XDH: variants seen among roughly 807,000 people sequenced by gnomAD.
The protein encoded by XDH is xanthine dehydrogenase/oxidase.
In XDH, 138 loss-of-function variants were observed where a neutral mutation model predicts 156.1. The observed-to-expected ratio is 0.88, with a 90% confidence interval of 0.77 to 1.02. The LOEUF (loss-of-function observed/expected upper bound fraction) is 1.02. Ranked by LOEUF, XDH falls within the 50% of genes least tolerant of loss-of-function variation. XDH has a pLI of 0.00. For synonymous variants in XDH, 669 were observed against 625.7 expected (o/e 1.07, Z -1.03); for missense variants, 1,849 against 1,684.9 (o/e 1.10, Z -1.71).
At chr2:31,411,344 C>T (rs528837231) in intron 1 of XDH, among the ~76,000 whole-genome samples, 29 of 150,946 alleles carry the variant, frequency 1.9e-4, no homozygotes, top group African/African-American at 6.3e-4. Flanking sequence ...AACATGATGT[C>T]TGAAACTTAC....
At chr2:31,339,752 C>A in intron 33 of XDH, 75 bp from the exon 34 acceptor site, 1 of 1,570,776 alleles carries the variant, frequency 6.4e-7, no homozygotes, top group South Asian at 1.1e-5. Context: ...CCACAATGGA[C>A]ACAAAGCGCC....
intron 13 of XDH, among the ~76,000 whole-genome samples, chr2:31,378,111 G>GAAAGAAAGA (rs1686310900): frequency 3.0e-3 from 125 of 41,644 alleles, no homozygotes; most frequent in South Asian, 5.2e-3. Context: ...AGAAAGAAAG[G>GAAAGAAAGA]AAGGAAGGAA....
At chr2:31,382,522 G>C (rs1408657453) in intron 11 of XDH, among the ~76,000 whole-genome samples, 2 of 152,140 alleles carry the variant, frequency 1.3e-5, no homozygotes, top group African/African-American at 4.8e-5. Flanking sequence ...TTGTCTGAAG[G>C]CTGACTGAAT....
chr2:31,346,927 C>T (rs945097244), intron 29 of XDH, 84 bp from the exon 30 acceptor site: 12 of 1,574,936 alleles, frequency 7.6e-6, no homozygotes, highest in African/African-American at 1.4e-5. Context: ...CCCAGCAAGG[C>T]TACCTCCAAG....
chr2:31,346,987 A>G, intron 29 of XDH, 144 bp from the exon 30 acceptor site: 1 of 1,044,816 alleles, frequency 9.6e-7, no homozygotes, highest in East Asian at 2.5e-5. Flanking sequence ...CCCACTCCAG[A>G]ATGATCAAGG....
chr2:31,370,622 A>G (rs1340578625), intron 17 of XDH, 144 bp from the exon 18 acceptor site: 11 of 1,145,282 alleles, frequency 9.6e-6, no homozygotes, highest in Non-Finnish European at 1.4e-5. Flanking sequence ...ATTAGATTCT[A>G]ATTCAATTAT....
intron 23 of XDH, among the ~76,000 whole-genome samples, chr2:31,364,730 C>T (rs777109778): frequency 2.0e-5 from 3 of 152,176 alleles, no homozygotes; most frequent in Non-Finnish European, 2.9e-5. Flanking sequence ...TTTACACACA[C>T]GGAAACTGGG....
In XDH at chr2:31,383,617, C is replaced by G. The variant is rs1429407815; in HGVS notation, c.886+138G>C. The G allele has an allele frequency of 7.3e-6, 6 of 823,910 alleles. No individual in the cohort carries two copies. The African/African-American group carries it at 8.4e-5, about 12-fold the overall frequency. 51.0% of individuals were successfully genotyped at this position (823,910 alleles called of 1,614,324 possible). A position where few individuals can be genotyped will look rare whatever the true frequency, so the allele number is the denominator to read the frequency against. On this transcript the variant is annotated intron_variant, in intron 10 of 35. Transcript: ENST00000379416. ...TGAATGGGGTCTCCTCCCGCCTTTC[C>G]CTGTGCAAGGTGAGCCCCAGGAGAA...
chr2:31,407,693 G>A (rs1307799210), intron 1 of XDH, among the ~76,000 whole-genome samples: 1 of 152,158 alleles, frequency 6.6e-6, no homozygotes, highest in African/African-American at 2.4e-5. Flanking sequence ...GAGCTTTCTT[G>A]CTATCCTCAC....
At chr2:31,412,526 A>T (rs1468765993) in intron 1 of XDH, among the ~76,000 whole-genome samples, 4 of 152,158 alleles carry the variant, frequency 2.6e-5, no homozygotes, top group Non-Finnish European at 5.9e-5. Context: ...AGATATACCT[A>T]ATGTAAATGA....
chr2:31,352,567 G>C (rs1426592628), intron 24 of XDH, among the ~76,000 whole-genome samples: 2 of 152,020 alleles, frequency 1.3e-5, no homozygotes, highest in African/African-American at 4.8e-5. Context: ...TGAATTTCTT[G>C]AGGGCAGAAA....
intron 24 of XDH, among the ~76,000 whole-genome samples, chr2:31,350,531 ACG>A (rs1480737298): frequency 2.0e-5 from 3 of 151,408 alleles, no homozygotes; most frequent in Non-Finnish European, 4.4e-5. Flanking sequence ...CACGCACCAC[ACG>A]CCCAGCTAAT....
chr2:31,413,593 T>C (rs961896256), intron 1 of XDH, among the ~76,000 whole-genome samples: 2 of 152,226 alleles, frequency 1.3e-5, no homozygotes, highest in African/African-American at 2.4e-5. Context: ...AGCACATTAT[T>C]GTTCTTGAAA....
intron 33 of XDH, among the ~76,000 whole-genome samples, 163 bp from the exon 34 acceptor site, chr2:31,339,840 C>T (rs1318652980): frequency 6.6e-6 from 1 of 152,198 alleles, no homozygotes; most frequent in Non-Finnish European, 1.5e-5. Context: ...CTGGGATAAC[C>T]CATCCGGACT....
intron 15 of XDH, among the ~76,000 whole-genome samples, chr2:31,374,743 A>C (rs964499500): frequency 3.3e-5 from 5 of 152,076 alleles, no homozygotes; most frequent in African/African-American, 1.2e-4. Context: ...GTTGTCTCCC[A>C]AGTGTGGCCT....
At chr2:31,345,243 A>G (rs1685249831) in intron 30 of XDH, among the ~76,000 whole-genome samples, 1 of 151,904 alleles carries the variant, frequency 6.6e-6, no homozygotes, top group African/African-American at 2.4e-5. Context: ...TCCCTCAACA[A>G]CTACTCAAAC....
At chr2:31,375,020 T>C (rs1686195077) in intron 15 of XDH, among the ~76,000 whole-genome samples, 1 of 93,800 alleles carries the variant, frequency 1.1e-5, no homozygotes, top group Non-Finnish European at 2.0e-5. Flanking sequence ...TCTTTCTTTC[T>C]TTCTTTTTTT....
intron 16 of XDH, 43 bp from the exon 17 acceptor site, chr2:31,372,440 A>T: frequency 6.2e-7 from 1 of 1,613,180 alleles, no homozygotes; most frequent in Admixed American, 1.7e-5. Flanking sequence ...TGCCAAGGAC[A>T]CTGCCCCTCT....
rs1055668373 is a variant in XDH at position 31,403,146 on chromosome 2, T to C, written c.101-2A>G. 6.8e-6 allele frequency: 11 copies of C among 1,614,046 alleles called. No individual in the cohort carries two copies. Among genetic ancestry groups the C allele is most frequent in the Non-Finnish European group, 9.3e-6 (11 of 1,180,000 alleles). ...CGAGCTTGGTTCCACTCAGCCCCAC[T>C]GGGTGGTCAAGAGTTAAGGAGAATG... On this transcript the variant is annotated splice_acceptor_variant, in intron 2 of 35. Transcript: ENST00000379416. LOFTEE classifies it high-confidence loss of function.
Sources: gnomAD v4.1 joint callset for allele counts (sites outside exome capture counted in the v4.1 genomes callset) on GRCh38, gnomAD v4.1.1 for gene constraint, MANE v1.5 for transcripts, NCBI Gene and HGNC (gene_info 2026-07-23, HGNC 2026-07-21) for gene names.